WDSUB1: variants seen among roughly 807,000 people sequenced by gnomAD.
WDSUB1 encodes the protein WD repeat, sterile alpha motif and U-box domain containing 1.
WDSUB1 carries 49 observed loss-of-function variants against 53.9 expected under a neutral mutation model. That is an observed-to-expected ratio of 0.91 (90% CI 0.72 to 1.15). WDSUB1 has a LOEUF of 1.15. Among genes scored for constraint, WDSUB1 ranks in the 50% most tolerant of loss-of-function variants. The pLI is 0.00. For synonymous variants in WDSUB1, 194 were observed against 200.6 expected (o/e 0.97, Z 0.28); for missense variants, 514 against 562.0 (o/e 0.91, Z 0.86).
intron 3 of WDSUB1, among the ~76,000 whole-genome samples, chr2:159,276,449 G>C (rs1201258166): frequency 6.6e-6 from 1 of 152,148 alleles, no homozygotes; most frequent in Non-Finnish European, 1.5e-5. Context: ...TCAAGCCAAA[G>C]GCTGGAATTA....
chr2:159,284,846 C>G (rs557670172), intron 1 of WDSUB1, among the ~76,000 whole-genome samples: 15 of 152,334 alleles, frequency 9.8e-5, no homozygotes, highest in African/African-American at 3.6e-4. Flanking sequence ...TTCTTTCCAG[C>G]CTCCTTGGCC....
rs866282893 is a variant in WDSUB1, at chr2:159,265,097, A to T, written c.771-5254T>A. Among the ~76,000 whole-genome samples the T allele has an allele frequency of 3.7e-3, 540 of 147,026 alleles. 4 individuals carry two copies. Among genetic ancestry groups the T allele is most frequent in the African/African-American group, 0.013 (471 of 37,284 alleles). On this transcript the variant is annotated intron_variant, in intron 5 of 10. Transcript: ENST00000359774. ...GAAACTCCATCTCAAAAAAAAAAAA[A>T]AATAAAACAACAACAACAACAACAA...
At chr2:159,283,170 A>G in intron 1 of WDSUB1, 77 bp from the exon 2 acceptor site, 1 of 1,268,154 alleles carries the variant, frequency 7.9e-7, no homozygotes, top group Non-Finnish European at 1.1e-6. Flanking sequence ...TAAAAGGGCC[A>G]AAATGTTTTA....
intron 1 of WDSUB1, 79 bp downstream of exon 1, chr2:159,286,504 C>T (rs2061803673): frequency 2.4e-5 from 2 of 83,444 alleles, no homozygotes; most frequent in South Asian, 1.0e-3. Context: ...CTCAGACGCC[C>T]CGCGCGAGCA....
intron 6 of WDSUB1, among the ~76,000 whole-genome samples, 200 bp downstream of exon 6, chr2:159,259,610 A>C (rs2061146365): frequency 1.3e-5 from 2 of 152,258 alleles, no homozygotes; most frequent in African/African-American, 4.8e-5. Context: ...CCATCTTAAA[A>C]TCATTACTGA....
intron 5 of WDSUB1, among the ~76,000 whole-genome samples, chr2:159,265,147 C>T (rs1336576847): frequency 2.0e-5 from 3 of 151,530 alleles, no homozygotes; most frequent in Non-Finnish European, 4.4e-5. Context: ...TCCTAACTGG[C>T]TGGGCCTGGT....
chr2:159,284,895 T>G (rs1182832632), intron 1 of WDSUB1, among the ~76,000 whole-genome samples: 5 of 152,210 alleles, frequency 3.3e-5, no homozygotes, highest in Admixed American at 1.3e-4. Context: ...TTTCTCAAGC[T>G]GAAATGTTCT....
chr2:159,283,018 A>G lies in WDSUB1; in HGVS notation c.52T>C (p.Cys18Arg). The change falls in exon 2 of 11, where the codon TGT becomes CGT. Residue 18 changes from cysteine (C) to arginine (R), a missense_variant. Transcript: ENST00000359774. ...GCCAAGAGGGAAAAGGAGAAGGCAC[A>G]GCAGTTGACATCGTCACCATGATCA... Reference protein sequence around the residue: ...LADHGDDVNCCAFSFSLLATC... With the variant: ...LADHGDDVNCRAFSFSLLATC... 1 of 1,614,170 alleles carries G rather than the reference A, an allele frequency of 6.2e-7. No individual in the cohort carries two copies. The highest frequency in any genetic ancestry group is 1.1e-5 in the South Asian group (1 of 91,088).
intron 3 of WDSUB1, among the ~76,000 whole-genome samples, chr2:159,277,308 C>A (rs1183861443): frequency 6.6e-6 from 1 of 152,226 alleles, no homozygotes; most frequent in African/African-American, 2.4e-5. Flanking sequence ...CTGATAATCA[C>A]TGTCTTTTTA....
In WDSUB1 at chr2:159,257,930, AGGTTAAG is replaced by A. The variant is rs1330818563; in HGVS notation, c.845+8_845+14del. ...TTTTAAATTATATTAATACAAGGTG[AGGTTAAG>A]TTCAGACCTGGTGTGCTGAGTCAAT... On this transcript the variant is annotated splice_region_variant and intron_variant, in intron 7 of 10. Coordinates refer to ENST00000359774, the MANE Select transcript of WDSUB1 (RefSeq NM_001128212.3). 2 of 1,612,676 alleles carry A rather than the reference AGGTTAAG, an allele frequency of 1.2e-6. No homozygotes were observed. The highest frequency in any genetic ancestry group is 2.2e-5 in the South Asian group (2 of 91,026).
rs174264 is a variant in WDSUB1, at chr2:159,279,826, A to G, written c.518T>C (p.Leu173Pro). Residue 173 changes from leucine to proline, a missense_variant, in exon 3 of 11, where the codon CTG becomes CCG. By Grantham distance (98) the Leu-to-Pro change is moderately conservative. Transcript: ENST00000359774. ...AAGATCATGTGCTTTTTCACTATGC[A>G]GACACCTCATTTTATCATCCCACAC... The part of the protein sequence containing the change: ...LTVWDDKMRC[L>P]HSEKAHDLGI... The G allele has an allele frequency of 5.1e-5, 82 of 1,612,884 alleles. No homozygotes were observed. The African/African-American group carries it at 9.9e-4, about 19-fold the overall frequency.
rs533168385 is a variant in WDSUB1, at chr2:159,253,405, G to C, written c.1132+2791C>G. ...ATCCTAGAAAATGACTATTATCCTT[G>C]GGTAAAGCTCCAAAGTCAAACATAC... On this transcript the variant is annotated intron_variant, in intron 9 of 10. Transcript: ENST00000359774. Among the ~76,000 whole-genome samples, 24 of 152,190 alleles carry C rather than the reference G, an allele frequency of 1.6e-4. 1 individual carries two copies. In the South Asian group the frequency reaches 4.6e-3, roughly 29 times the overall value.
In WDSUB1 at chr2:159,282,773, A is replaced by AG. The variant is rs1558884126; in HGVS notation, c.296dup (p.Val100CysfsTer19). 6 of 1,614,138 alleles carry AG rather than the reference A, an allele frequency of 3.7e-6. No homozygotes were observed. The highest frequency in any genetic ancestry group is 5.1e-6 in the Non-Finnish European group (6 of 1,180,034). On this transcript the variant is annotated frameshift_variant, in exon 2 of 11. Coordinates refer to ENST00000359774, the MANE Select transcript of WDSUB1 (RefSeq NM_001128212.3). LOFTEE classifies it high-confidence loss of function. ...CTGGGGAAAACTGGCAAACCCTCACAGGGCTGCCACTAGGCTGTTCCATCA... is the reference window on the plus strand; with the variant it reads ...CTGGGGAAAACTGGCAAACCCTCACAGGGGCTGCCACTAGGCTGTTCCATCA...
intron 9 of WDSUB1, among the ~76,000 whole-genome samples, chr2:159,251,684 T>C (rs1314152716): frequency 6.6e-6 from 1 of 152,180 alleles, no homozygotes; most frequent in Admixed American, 6.5e-5. Flanking sequence ...ACTATAATCC[T>C]GAAAAGACAT....
At chr2:159,275,076 T>C (rs1000217740) in intron 4 of WDSUB1, among the ~76,000 whole-genome samples, 5 of 152,122 alleles carry the variant, frequency 3.3e-5, no homozygotes, top group African/African-American at 4.8e-5. Context: ...ATTCAATTAA[T>C]GGAAGTTGTA....
chr2:159,252,428 T>C (rs1410170801), intron 9 of WDSUB1, among the ~76,000 whole-genome samples: 2 of 152,208 alleles, frequency 1.3e-5, no homozygotes, highest in African/African-American at 4.8e-5. Context: ...AGACCTGTGG[T>C]TGGCATCTGT....
intron 8 of WDSUB1, among the ~76,000 whole-genome samples, chr2:159,256,597 C>CAAA (rs35877234): frequency 8.1e-5 from 11 of 135,178 alleles, no homozygotes; most frequent in African/African-American, 1.7e-4. Context: ...AGACCAGTCT[C>CAAA]AAAAAAAAAA....
chr2:159,283,231 C>T lies in WDSUB1; in HGVS notation c.-24-138G>A. ...CAACATTTTAAAGCAGTGGTCCCCA[C>T]CTTTTCGGCAGCAGGGACCAGTTTC... On this transcript the variant is annotated intron_variant, in intron 1 of 10. Coordinates refer to ENST00000359774, the MANE Select transcript of WDSUB1 (RefSeq NM_001128212.3). The T allele has an allele frequency of 5.5e-6, 4 of 733,126 alleles. No homozygotes were observed. In the South Asian group the frequency reaches 8.0e-5, roughly 15 times the overall value. 45.4% of individuals were successfully genotyped at this position (733,126 alleles called of 1,614,324 possible). A position where few individuals can be genotyped will look rare whatever the true frequency, so the allele number is the denominator to read the frequency against.
At chr2:159,286,453 G>C (rs1401321295) in intron 1 of WDSUB1, 130 bp downstream of exon 1, 3 of 152,294 alleles carry the variant, frequency 2.0e-5, no homozygotes, top group Admixed American at 2.0e-4. Flanking sequence ...TCAAGGTCCC[G>C]GTTGGGCCCT....
Sources: allele counts gnomAD v4.1 joint callset (sites outside exome capture counted in the v4.1 genomes callset), GRCh38; gene constraint gnomAD v4.1.1; transcripts MANE v1.5; gene names NCBI Gene and HGNC (gene_info 2026-07-23, HGNC 2026-07-21).